GTPBP10: variants seen among roughly 807,000 people sequenced by gnomAD.
GTPBP10 encodes the protein GTP binding protein 10.
A neutral mutation model predicts 44.8 loss-of-function variants in GTPBP10; 38 were observed. That is an observed-to-expected ratio of 0.85 (90% CI 0.65 to 1.11). The LOEUF (loss-of-function observed/expected upper bound fraction) is 1.11. Among genes scored for constraint, GTPBP10 ranks in the 50% most tolerant of loss-of-function variants. The probability of loss-of-function intolerance (pLI) is 0.00; values close to 1 mark genes in which losing one functional copy is unlikely to be tolerated. For missense variants in GTPBP10, 462 were observed against 453.7 expected (o/e 1.02, Z -0.17); for synonymous variants, 152 against 150.6 (o/e 1.01, Z -0.07).
intron 7 of GTPBP10, 129 bp downstream of exon 7, chr7:90,377,743 G>A: frequency 3.2e-6 from 2 of 622,072 alleles, no homozygotes; most frequent in Non-Finnish European, 2.7e-6. Context: ...TATAATATGG[G>A]GATGGAAGTG....
intron 1 of GTPBP10, among the ~76,000 whole-genome samples, chr7:90,348,227 A>G (rs1360559826): frequency 6.6e-6 from 1 of 152,182 alleles, no homozygotes; most frequent in Non-Finnish European, 1.5e-5. Context: ...CAAAAAAAAG[A>G]AAATAAAAGA....
At chr7:90,356,635 T>C (rs1256393163) in intron 4 of GTPBP10, among the ~76,000 whole-genome samples, 1 of 152,174 alleles carries the variant, frequency 6.6e-6, no homozygotes, top group Non-Finnish European at 1.5e-5. Context: ...TTCTCTTCTT[T>C]TTTTCTTTTC....
At position 90,391,100 on chromosome 7, in the gene GTPBP10, A is replaced by G. The variant is rs1796607340; in HGVS notation, c.*5946A>G. 1 of 152,250 alleles carries G rather than the reference A, an allele frequency of 6.6e-6. No individual in the cohort carries two copies. The highest frequency in any genetic ancestry group is 1.5e-5 in the Non-Finnish European group (1 of 68,048). The allele number at this position is 152,250 out of a possible 1,614,324, so 9.4% of individuals were successfully genotyped here. ...GTTTTGAAAACAAATCTTTCCAGGA[A>G]GTGGTACCACTCTGGGGTCAAGAGA... On this transcript the variant is annotated 3_prime_UTR_variant, in exon 10 of 10. Transcript: ENST00000222511.
At chr7:90,355,343 T>G in intron 4 of GTPBP10, 113 bp downstream of exon 4, 1 of 730,272 alleles carries the variant, frequency 1.4e-6, no homozygotes, top group Non-Finnish European at 2.1e-6. Context: ...ATGGAATTTG[T>G]GTGTTGTGTA....
chr7:90,353,227 T>C lies in GTPBP10; in HGVS notation c.227+218T>C, dbSNP rs529781447. 2.5e-5 allele frequency: 10 copies of C among 395,396 alleles called. No individual in the cohort carries two copies. In the East Asian group the frequency reaches 3.5e-4, roughly 14 times the overall value. The allele number at this position is 395,396 out of a possible 1,614,324, so 24.5% of individuals were successfully genotyped here. ...TCTGTCCGTTTCTTTTCCCAATGTC[T>C]ATCTGTATTCTTTTTGCACTTCCCC... On this transcript the variant is annotated intron_variant, in intron 2 of 9. Transcript: ENST00000222511.
chr7:90,366,753 T>C (rs1796142579), intron 4 of GTPBP10, among the ~76,000 whole-genome samples: 1 of 152,010 alleles, frequency 6.6e-6, no homozygotes, highest in Non-Finnish European at 1.5e-5. Context: ...GATTCATTGA[T>C]TTTTTTGAAG....
chr7:90,381,040 A>G (rs538998317), intron 8 of GTPBP10, among the ~76,000 whole-genome samples: 1 of 152,288 alleles, frequency 6.6e-6, no homozygotes, highest in South Asian at 2.1e-4. Context: ...CCATTGATGG[A>G]CACTGAGGTT....
intron 4 of GTPBP10, among the ~76,000 whole-genome samples, chr7:90,365,358 T>C (rs1181690266): frequency 2.1e-5 from 3 of 143,936 alleles, no homozygotes; most frequent in Non-Finnish European, 4.5e-5. Context: ...GACTGAGACT[T>C]TGGGGTTTTC....
chr7:90,383,172 C>A, intron 9 of GTPBP10, 93 bp downstream of exon 9: 1 of 893,272 alleles, frequency 1.1e-6, no homozygotes, highest in Non-Finnish European at 1.6e-6. Context: ...ACAGTTTCTG[C>A]TCTTAAAAGT....
chr7:90,384,764 GA>G, intron 9 of GTPBP10, 127 bp from the exon 10 acceptor site: 1 of 793,386 alleles, frequency 1.3e-6, no homozygotes, highest in Admixed American at 3.1e-5. Context: ...GAACTTATTA[GA>G]AAAGGTGAAA....
intron 2 of GTPBP10, among the ~76,000 whole-genome samples, 166 bp from the exon 3 acceptor site, chr7:90,354,292 A>G (rs1362351273): frequency 6.6e-6 from 1 of 152,186 alleles, no homozygotes; most frequent in East Asian, 1.9e-4. Context: ...CAAAGAAATA[A>G]TTAGGGATAA....
chr7:90,364,760 T>A (rs1796097300), intron 4 of GTPBP10, among the ~76,000 whole-genome samples: 1 of 152,302 alleles, frequency 6.6e-6, no homozygotes, highest in East Asian at 1.9e-4. Flanking sequence ...GTCCTTGAGC[T>A]GTGGTGGACT....
intron 1 of GTPBP10, among the ~76,000 whole-genome samples, chr7:90,348,743 A>G (rs1209602950): frequency 6.6e-6 from 1 of 152,024 alleles, no homozygotes; most frequent in Non-Finnish European, 1.5e-5. Flanking sequence ...CTTTCCCCCA[A>G]AAAAATGTTT....
intron 2 of GTPBP10, among the ~76,000 whole-genome samples, chr7:90,353,980 C>T (rs1041647550): frequency 6.6e-6 from 1 of 152,014 alleles, no homozygotes; most frequent in Admixed American, 6.6e-5. Context: ...GTATGTGCCA[C>T]CATGCCCAGC....
In GTPBP10 at chr7:90,385,220, G is replaced by T; in HGVS notation, c.*66G>T. ...TAAAAACAAGGAAATCCTTTCATCT[G>T]TGACAACCTGGAGGACATGTTAAGT... On this transcript the variant is annotated 3_prime_UTR_variant, in exon 10 of 10. Coordinates refer to ENST00000222511, the MANE Select transcript of GTPBP10 (RefSeq NM_033107.4). 1 of 1,150,516 alleles carries T rather than the reference G, an allele frequency of 8.7e-7. No individual in the cohort carries two copies. The allele number at this position is 1,150,516 out of a possible 1,614,324, so 71.3% of individuals were successfully genotyped here.
chr7:90,358,086 T>C (rs990625427), intron 4 of GTPBP10, among the ~76,000 whole-genome samples: 2 of 152,138 alleles, frequency 1.3e-5, no homozygotes, highest in Non-Finnish European at 2.9e-5. Context: ...TTCAGTATAC[T>C]CTCAGGTTAC....
At chr7:90,381,757 A>G (rs961721548) in intron 8 of GTPBP10, among the ~76,000 whole-genome samples, 4 of 152,202 alleles carry the variant, frequency 2.6e-5, no homozygotes, top group Non-Finnish European at 5.9e-5. Context: ...TCAGAATTAA[A>G]TCCATGCATT....
At chr7:90,359,694 C>G (rs1795974767) in intron 4 of GTPBP10, among the ~76,000 whole-genome samples, 1 of 152,154 alleles carries the variant, frequency 6.6e-6, no homozygotes, top group African/African-American at 2.4e-5. Flanking sequence ...ATTTCTAGTT[C>G]TAGATCCTTG....
intron 2 of GTPBP10, chr7:90,353,337 C>A (rs998695227): frequency 1.6e-5 from 3 of 186,578 alleles, no homozygotes; most frequent in Non-Finnish European, 1.1e-5. Context: ...TCAGTCTTAA[C>A]CATGCTACTC....
Sources: allele counts gnomAD v4.1 joint callset (sites outside exome capture counted in the v4.1 genomes callset), GRCh38; gene constraint gnomAD v4.1.1; transcripts MANE v1.5; gene names NCBI Gene and HGNC (gene_info 2026-07-23, HGNC 2026-07-21).